The following RBM26 variants were observed in gnomAD, a reference collection of about 807,000 sequenced individuals.
RBM26 encodes RNA binding motif protein 26.
Under a neutral mutation model 123.6 loss-of-function variants are expected in RBM26, and 30 were observed. That is an observed-to-expected ratio of 0.24 (90% confidence interval 0.18 to 0.33). The LOEUF (loss-of-function observed/expected upper bound fraction) is 0.33, where lower values mean the gene tolerates loss of function less well. Among genes scored for constraint, RBM26 ranks in the 10% least tolerant of loss-of-function variants. RBM26 has a pLI of 1.00. For synonymous variants in RBM26, 400 were observed against 404.4 expected (o/e 0.99, Z 0.13); for missense variants, 947 against 1,203.6 (o/e 0.79, Z 3.15).
intron 1 of RBM26, among the ~76,000 whole-genome samples, chr13:79,395,525 A>ACACC (rs1265376058): frequency 6.6e-6 from 1 of 152,168 alleles, no homozygotes; most frequent in African/African-American, 2.4e-5. Context: ...GGATTACTTG[A>ACACC]CACCAGAAGT....
chr13:79,383,382 T>C (rs2077222232), intron 1 of RBM26, among the ~76,000 whole-genome samples: 1 of 152,096 alleles, frequency 6.6e-6, no homozygotes, highest in South Asian at 2.1e-4. Context: ...GTAGATAAAA[T>C]ACACACTACA....
At chr13:79,321,308 T>C (rs1412288591) in intron 21 of RBM26, among the ~76,000 whole-genome samples, 1 of 151,416 alleles carries the variant, frequency 6.6e-6, no homozygotes. Flanking sequence ...TAATCTAAAA[T>C]ATAAAATGAC....
At chr13:79,339,358 A>G (rs2070990549) in intron 18 of RBM26, among the ~76,000 whole-genome samples, 1 of 152,116 alleles carries the variant, frequency 6.6e-6, no homozygotes, top group Non-Finnish European at 1.5e-5. Context: ...CTGGTTGGTG[A>G]CCACAGTTAA....
intron 9 of RBM26, among the ~76,000 whole-genome samples, chr13:79,360,168 C>T: frequency 6.6e-6 from 1 of 152,056 alleles, no homozygotes; most frequent in East Asian, 1.9e-4. Flanking sequence ...TTGTTTAGCT[C>T]TTACTGTGTC....
intron 1 of RBM26, among the ~76,000 whole-genome samples, chr13:79,379,371 CAAA>C (rs1160901778): frequency 0.51 from 40,287 of 78,356 alleles, 7,984 homozygotes; most frequent in Middle Eastern, 0.6. Context: ...CAGTCTCTAC[CAAA>C]AAAAAAAAAA....
intron 1 of RBM26, among the ~76,000 whole-genome samples, chr13:79,386,283 T>C (rs568506025): frequency 4.6e-5 from 7 of 151,920 alleles, no homozygotes; most frequent in Non-Finnish European, 1.0e-4. Flanking sequence ...GAAGAAAACC[T>C]GACCTGACAC....
Position 79,405,884 on chromosome 13 carries a change from T to G in RBM26, c.-110A>C, listed in dbSNP as rs1459159220. On this transcript the variant is annotated 5_prime_UTR_variant, in exon 1 of 22. Coordinates refer to ENST00000438737, the MANE Select transcript of RBM26 (RefSeq NM_001366735.2). Reference sequence around the variant, plus strand: ...CGCGCGCCGCCCGCGTGGGCCGCGGTGGGAGGCGCCGGTGGCAGGTTCCCG... The same window carrying G: ...CGCGCGCCGCCCGCGTGGGCCGCGGGGGGAGGCGCCGGTGGCAGGTTCCCG... 2.1e-5 allele frequency: 11 copies of G among 530,966 alleles called. No homozygotes were observed. Among genetic ancestry groups the G allele is most frequent in the Non-Finnish European group, 3.2e-5 (11 of 349,180 alleles). The allele number at this position is 530,966 out of a possible 1,614,324, so 32.9% of individuals were successfully genotyped here. A position where few individuals can be genotyped will look rare whatever the true frequency, so the allele number is the denominator to read the frequency against.
At chr13:79,323,069 A>T (rs1284308030) in intron 20 of RBM26, among the ~76,000 whole-genome samples, 1 of 151,570 alleles carries the variant, frequency 6.6e-6, no homozygotes, top group Non-Finnish European at 1.5e-5. Flanking sequence ...AACCCCTCTG[A>T]ACTCTTCTAT....
intron 9 of RBM26, among the ~76,000 whole-genome samples, chr13:79,361,721 A>G (rs550628178): frequency 2.0e-5 from 3 of 152,196 alleles, no homozygotes; most frequent in South Asian, 4.1e-4. Context: ...TTTGGGCTTC[A>G]TTTCTAAGTT....
chr13:79,343,095 C>T lies in RBM26; in HGVS notation c.2260-264G>A, dbSNP rs370733096. ...TCTCTCAGAACATAAGTTTGAAGCA[C>T]ACAACCAGAAGAAACTCAATTCTAT... On this transcript the variant is annotated intron_variant, in intron 16 of 21. Transcript: ENST00000438737. Among the ~76,000 whole-genome samples the T allele has an allele frequency of 6.6e-5, 10 of 151,762 alleles. No individual in the cohort carries two copies. The East Asian group carries it at 9.7e-4, about 15-fold the overall frequency.
chr13:79,404,730 TTC>T (rs1244519559), intron 1 of RBM26, among the ~76,000 whole-genome samples: 1 of 152,242 alleles, frequency 6.6e-6, no homozygotes, highest in Non-Finnish European at 1.5e-5. Context: ...CAATGTCACC[TTC>T]TCTGAGAGTC....
Position 79,320,596 on chromosome 13 carries a change from A to C in RBM26, c.*25T>G. The C allele has an allele frequency of 1.9e-6, 3 of 1,568,642 alleles. No homozygotes were observed. The highest frequency in any genetic ancestry group is 1.7e-6 in the Non-Finnish European group (2 of 1,161,478). Reference sequence around the variant, plus strand: ...AATGAAACACAGGTAGAGTTCTAGCATATGCAGATCAATGATCAGTCAAAT... The same window carrying C: ...AATGAAACACAGGTAGAGTTCTAGCCTATGCAGATCAATGATCAGTCAAAT... On this transcript the variant is annotated 3_prime_UTR_variant, in exon 22 of 22. Transcript: ENST00000438737.
intron 1 of RBM26, among the ~76,000 whole-genome samples, chr13:79,386,622 C>A (rs1594634606): frequency 8.6e-6 from 1 of 116,710 alleles, no homozygotes; most frequent in African/African-American, 3.2e-5. Context: ...GGTGTATCTG[C>A]AATATGGTAA....
chr13:79,317,324 TTAGA>T (rs1457195875), downstream of RBM26, among the ~76,000 whole-genome samples: 1 of 151,646 alleles, frequency 6.6e-6, no homozygotes, highest in African/African-American at 2.4e-5. Flanking sequence ...GAGAACTGGC[TTAGA>T]TATATTAAAT....
At chr13:79,340,489 T>G (rs1034942561) in intron 18 of RBM26, among the ~76,000 whole-genome samples, 6 of 152,068 alleles carry the variant, frequency 3.9e-5, no homozygotes, top group African/African-American at 1.4e-4. Flanking sequence ...TACAGACATG[T>G]GCCAACTATA....
intron 14 of RBM26, among the ~76,000 whole-genome samples, chr13:79,351,686 C>T (rs533845464): frequency 5.3e-5 from 8 of 151,814 alleles, no homozygotes; most frequent in South Asian, 2.1e-4. Context: ...CAAAGGAAAA[C>T]GAGCAGAAAA....
At chr13:79,335,601 A>G (rs1594046945) in intron 19 of RBM26, among the ~76,000 whole-genome samples, 1 of 152,146 alleles carries the variant, frequency 6.6e-6, no homozygotes, top group East Asian at 1.9e-4. Context: ...AAAAGAAGCT[A>G]AACTTCAACT....
exon 5 of RBM26, chr13:79,313,083 GATAT>G (rs1055140351): frequency 4.6e-5 from 7 of 151,680 alleles, no homozygotes; most frequent in African/African-American, 1.7e-4. Context: ...GAAAAATATA[GATAT>G]ATAAAAGGCT....
chr13:79,345,449 TA>T (rs568735211), intron 14 of RBM26, among the ~76,000 whole-genome samples: 1 of 149,124 alleles, frequency 6.7e-6, no homozygotes, highest in Non-Finnish European at 1.5e-5. Flanking sequence ...AGCTATTTAG[TA>T]AAAAAAAACG....
Sources: allele counts gnomAD v4.1 joint callset (sites outside exome capture counted in the v4.1 genomes callset), GRCh38; gene constraint gnomAD v4.1.1; transcripts MANE v1.5; gene names NCBI Gene and HGNC (gene_info 2026-07-23, HGNC 2026-07-21).